Variants in MAD1L1 observed in about 807,000 individuals in gnomAD.
MAD1L1 encodes mitotic spindle assembly checkpoint protein MAD1.
A neutral mutation model predicts 96.9 loss-of-function variants in MAD1L1; 95 were observed. The ratio of observed to expected loss-of-function variants is 0.98; its 90% confidence interval spans 0.83 to 1.16. The LOEUF is 1.16. MAD1L1 is among the 50% of genes most tolerant of loss of function. MAD1L1 has a pLI of 0.00. For missense variants in MAD1L1, 1,007 were observed against 954.4 expected, an observed-to-expected ratio of 1.06 and a Z score of -0.73; for synonymous variants, 473 against 396.6, an observed-to-expected ratio of 1.19 and a Z score of -2.29.
chr7:2,156,173 TTTCACGGCGCGTGTGGCGAGGGGAGCGGG>T (rs1789829453), intron 10 of MAD1L1, among the ~76,000 whole-genome samples: 1 of 143,960 alleles, frequency 6.9e-6, no homozygotes, highest in South Asian at 2.2e-4. Flanking sequence ...GGGCGCACGG[TTTCACGGCGCGTGTGGCGAGGGGAGCGGG>T]CGCACGGTTT....
chr7:2,018,357 C>T (rs1376041544), intron 12 of MAD1L1, among the ~76,000 whole-genome samples: 1 of 152,226 alleles, frequency 6.6e-6, no homozygotes, highest in Admixed American at 6.5e-5. Context: ...CATACACAGG[C>T]GATGAATGCA....
chr7:1,837,126 CAT>C (rs1392536946), intron 18 of MAD1L1, among the ~76,000 whole-genome samples: 3 of 152,216 alleles, frequency 2.0e-5, no homozygotes, highest in Non-Finnish European at 4.4e-5. Flanking sequence ...ATTAAGGAAA[CAT>C]AGAACCCCAT....
chr7:2,220,336 G>T (rs1029057291), intron 5 of MAD1L1, among the ~76,000 whole-genome samples: 2 of 152,158 alleles, frequency 1.3e-5, no homozygotes, highest in Non-Finnish European at 2.9e-5. Flanking sequence ...CGACAGAACC[G>T]CCAGGCTTCC....
At chr7:1,831,072 C>T (rs570736730) in intron 18 of MAD1L1, among the ~76,000 whole-genome samples, 28 of 152,322 alleles carry the variant, frequency 1.8e-4, no homozygotes, top group African/African-American at 5.1e-4. Flanking sequence ...GAAGCCAATT[C>T]GCCCTGTGTT....
chr7:1,887,567 G>GT, intron 18 of MAD1L1, among the ~76,000 whole-genome samples: 1 of 150,986 alleles, frequency 6.6e-6, no homozygotes, highest in Admixed American at 6.6e-5. Context: ...AAGCATGCGT[G>GT]TATGTGGCTG....
chr7:2,156,594 C>T (rs1482681706), intron 10 of MAD1L1, among the ~76,000 whole-genome samples: 1 of 152,080 alleles, frequency 6.6e-6, no homozygotes, highest in Non-Finnish European at 1.5e-5. Context: ...CCGAGGCAGG[C>T]GGATCACCTG....
intron 15 of MAD1L1, among the ~76,000 whole-genome samples, chr7:1,974,015 C>T (rs73275230): frequency 0.034 from 5,175 of 152,324 alleles, 192 homozygotes; most frequent in East Asian, 0.087. Context: ...GCTTCTGCTT[C>T]TGGGAGTGAA....
chr7:2,182,328 G>A (rs1361700214), intron 10 of MAD1L1, among the ~76,000 whole-genome samples: 1 of 151,020 alleles, frequency 6.6e-6, no homozygotes, highest in African/African-American at 2.4e-5. Flanking sequence ...CTAACCATAA[G>A]AAAAAAGACA....
chr7:2,179,502 T>C (rs1179455368), intron 10 of MAD1L1, among the ~76,000 whole-genome samples: 2 of 143,634 alleles, frequency 1.4e-5, no homozygotes, highest in Admixed American at 7.3e-5. Context: ...CACTCCAGCC[T>C]GGGCGACAAC....
intron 14 of MAD1L1, among the ~76,000 whole-genome samples, chr7:2,000,343 T>C (rs1463602635): frequency 2.6e-5 from 4 of 151,776 alleles, no homozygotes; most frequent in African/African-American, 4.8e-5. Flanking sequence ...TTCCCACCCA[T>C]TGCGGCCCTG....
chr7:2,060,181 AG>A (rs1784582522), intron 12 of MAD1L1, among the ~76,000 whole-genome samples: 1 of 115,798 alleles, frequency 8.6e-6, no homozygotes, highest in African/African-American at 4.4e-5. Context: ...GCCGATGCCG[AG>A]ATACACCGAT....
rs1262814116 is a variant in MAD1L1, at chr7:1,968,254, C to T, written c.1506-10535G>A. ...TCAGTCCGGCGGTCAGGTCCACCGT[C>T]AACACCAGCGGTCTTGTCCACATCA... On this transcript the variant is annotated intron_variant, in intron 15 of 18. Coordinates refer to ENST00000265854, the MANE Select transcript of MAD1L1 (RefSeq NM_001013836.2). This position sits in a 1 kb window ranked among gnomAD's most constrained non-coding sequence, Gnocchi z 5.6. 6.6e-6 allele frequency among the ~76,000 whole-genome samples: 1 copy of T among 151,926 alleles called. No individual in the cohort carries two copies. The highest frequency in any genetic ancestry group is 1.5e-5 in the Non-Finnish European group (1 of 67,972).
chr7:2,172,694 G>A (rs1006948027), intron 10 of MAD1L1, among the ~76,000 whole-genome samples: 2 of 152,234 alleles, frequency 1.3e-5, no homozygotes, highest in African/African-American at 4.8e-5. Context: ...GCCCTCGCAC[G>A]GGTCTCCGTG....
intron 11 of MAD1L1, among the ~76,000 whole-genome samples, chr7:2,122,386 A>G (rs192982880): frequency 3.6e-4 from 55 of 152,296 alleles, no homozygotes; most frequent in Admixed American, 1.2e-3. Flanking sequence ...CTAAAAGTTT[A>G]GTAGGCCGAG....
intron 18 of MAD1L1, among the ~76,000 whole-genome samples, chr7:1,824,717 G>C (rs1363883143): frequency 6.6e-6 from 1 of 152,192 alleles, no homozygotes; most frequent in Non-Finnish European, 1.5e-5. Flanking sequence ...CTCGCTTGTA[G>C]AATACACCTG....
At chr7:2,209,514 A>G (rs927992725) in intron 10 of MAD1L1, among the ~76,000 whole-genome samples, 1 of 152,226 alleles carries the variant, frequency 6.6e-6, no homozygotes, top group African/African-American at 2.4e-5. Flanking sequence ...AGTCAGGAAC[A>G]GTGGCCACAA....
intron 10 of MAD1L1, among the ~76,000 whole-genome samples, chr7:2,205,084 CTTTTTTTT>C (rs56101356): frequency 0.052 from 5,408 of 104,154 alleles, 194 homozygotes; most frequent in African/African-American, 0.15. Flanking sequence ...AGGATCTTTT[CTTTTTTTT>C]TTTTTTTTTT....
Position 2,215,867 on chromosome 7 carries a change from C to T in MAD1L1, c.924+18G>A, listed in dbSNP as rs1793242588. On this transcript the variant is annotated intron_variant, in intron 9 of 18. Transcript: ENST00000265854. ...GCAGAGGACACCCACAGGAACCGCA[C>T]ACCACACAGGCCCTCACCTCGTTCT... 6.2e-7 allele frequency: 1 copy of T among 1,612,462 alleles called. No homozygotes were observed. The highest frequency in any genetic ancestry group is 8.5e-7 in the Non-Finnish European group (1 of 1,178,482).
rs1006709772 is a variant in MAD1L1, at chr7:2,146,256, G to A, written c.1073+2896C>T. ...GCACCGCCTGGAAGAGGGAGCACCG[G>A]GCACTGGGCTACGAGGAACAGGGTA... is the stretch of plus-strand genomic sequence containing the variant. On this transcript the variant is annotated intron_variant, in intron 11 of 18. Transcript: ENST00000265854. The surrounding 1 kb of genome is among the most constrained non-coding windows in gnomAD (Gnocchi z 6.2). Among the ~76,000 whole-genome samples, 2 of 150,186 alleles carry A rather than the reference G, an allele frequency of 1.3e-5. No individual in the cohort carries two copies. The highest frequency in any genetic ancestry group is 5.0e-5 in the African/African-American group (2 of 39,618).
Sources: gnomAD v4.1 joint callset for allele counts (sites outside exome capture counted in the v4.1 genomes callset) on GRCh38, gnomAD v4.1.1 for gene constraint, Gnocchi (gnomAD v3.1) non-coding constraint, MANE v1.5 for transcripts, NCBI Gene and HGNC (gene_info 2026-07-23, HGNC 2026-07-21) for gene names.